The following UBE3A variants were observed in gnomAD, a reference collection of about 807,000 sequenced individuals.
UBE3A encodes the protein ubiquitin-protein ligase E3A.
Under a neutral mutation model 83.4 loss-of-function variants are expected in UBE3A, and 6 were observed. The observed-to-expected ratio is 0.07, with a 90% CI of 0.04 to 0.14. The LOEUF is 0.14. Ranked by LOEUF, UBE3A falls within the 10% of genes least tolerant of loss-of-function variation. UBE3A has a pLI of 1.00. For synonymous variants in UBE3A, 337 were observed against 355.4 expected, an observed-to-expected ratio of 0.95 and a Z score of 0.58; for missense variants, 456 against 1,036.1, an observed-to-expected ratio of 0.44 and a Z score of 7.69.
Position 25,339,119 on chromosome 15 carries a change from A to ATTTTTTTTTTTTTTTTTTTTTTT in UBE3A, c.*17_*18insAAAAAAAAAAAAAAAAAAAAAAA. The ATTTTTTTTTTTTTTTTTTTTTTT allele has an allele frequency of 7.0e-7, 1 of 1,429,774 alleles. No homozygotes were observed. 88.6% of individuals were successfully genotyped at this position (1,429,774 alleles called of 1,614,324 possible). A position where few individuals can be genotyped will look rare whatever the true frequency, so the allele number is the denominator to read the frequency against. The stretch of plus-strand genomic sequence containing the variant: ...TTTTTTCCTTCCTTTTTTTTGTTTT[A>ATTTTTTTTTTTTTTTTTTTTTTT]TTTTGTTTTGTTTTGTTTTACAGCA... On this transcript the variant is annotated 3_prime_UTR_variant, in exon 13 of 13. Coordinates refer to ENST00000648336, the MANE Select transcript of UBE3A (RefSeq NM_130839.5).
intron 4 of UBE3A, among the ~76,000 whole-genome samples, chr15:25,401,654 C>T (rs1453974695): frequency 6.6e-6 from 1 of 152,126 alleles, no homozygotes; most frequent in Non-Finnish European, 1.5e-5. Flanking sequence ...GTTCCTCTTT[C>T]ATTTCTGATT....
chr15:25,367,563 T>C (rs1438960234), intron 6 of UBE3A, among the ~76,000 whole-genome samples: 2 of 152,064 alleles, frequency 1.3e-5, no homozygotes, highest in East Asian at 1.9e-4. Flanking sequence ...AGACAACTTA[T>C]ATTCTATTGA....
At chr15:25,400,284 T>C (rs1216752066) in intron 4 of UBE3A, among the ~76,000 whole-genome samples, 1 of 152,220 alleles carries the variant, frequency 6.6e-6, no homozygotes, top group African/African-American at 2.4e-5. Context: ...CAGGATCTCC[T>C]GTAGATACCA....
intron 4 of UBE3A, among the ~76,000 whole-genome samples, chr15:25,398,771 T>TTATATATACA (rs2086224223): frequency 1.5e-5 from 1 of 68,964 alleles, no homozygotes; most frequent in Admixed American, 1.8e-4. Flanking sequence ...ATTCTTTTAT[T>TTATATATACA]TATATATATA....
rs757072130 is a variant in UBE3A at position 25,371,600 on chromosome 15, T to C, written c.574A>G (p.Lys192Glu). 1.9e-6 allele frequency: 3 copies of C among 1,614,140 alleles called. No individual in the cohort carries two copies. The highest frequency in any genetic ancestry group is 2.2e-5 in the East Asian group (1 of 44,860). Residue 192 changes from lysine (K) to glutamate (E), a missense_variant, in exon 6 of 13, where the codon AAA becomes GAA. By Grantham distance (56) the Lys-to-Glu change is moderately conservative. This residue lies in a region of UBE3A where 42 missense variants were observed against 41.8 expected (regional missense o/e 1.00). Coordinates refer to ENST00000648336, the MANE Select transcript of UBE3A (RefSeq NM_130839.5). This position sits in a 1 kb window ranked among gnomAD's most constrained non-coding sequence, Gnocchi z 5.3. The part of the protein sequence containing the change: ...DEDKDEDEKE[K>E]AACSAAAMEE... Reference sequence around the variant, plus strand: ...ATAGCAGCAGCAGAACATGCAGCTTTTTCCTTTTCATCTTCATCTTTGTCT... The same window carrying C: ...ATAGCAGCAGCAGAACATGCAGCTTCTTCCTTTTCATCTTCATCTTTGTCT...
intron 1 of UBE3A, chr15:25,438,245 C>G (rs913267134): frequency 2.6e-5 from 4 of 152,406 alleles, no homozygotes; most frequent in African/African-American, 9.6e-5. Flanking sequence ...CGCTCGCGTC[C>G]CCTCGGGCGA....
intron 4 of UBE3A, among the ~76,000 whole-genome samples, chr15:25,394,202 A>G (rs2085031319): frequency 6.6e-6 from 1 of 152,238 alleles, no homozygotes. Flanking sequence ...ATATGACCTA[A>G]TAACTTATTT....
intron 4 of UBE3A, among the ~76,000 whole-genome samples, chr15:25,396,826 G>A (rs1169312603): frequency 6.6e-6 from 1 of 151,676 alleles, no homozygotes; most frequent in Non-Finnish European, 1.5e-5. Context: ...CTAGGAAATT[G>A]GCAACACTAA....
intron 1 of UBE3A, among the ~76,000 whole-genome samples, chr15:25,427,341 G>C (rs1261045791): frequency 6.6e-6 from 1 of 151,830 alleles, no homozygotes; most frequent in Non-Finnish European, 1.5e-5. Flanking sequence ...TAATATTTAG[G>C]TTGAGCCCTA....
At position 25,352,125 on chromosome 15, in the gene UBE3A, G is replaced by A. The variant is rs557826291; in HGVS notation, c.2354+2228C>T. 1.4e-4 allele frequency among the ~76,000 whole-genome samples: 22 copies of A among 152,310 alleles called. No individual in the cohort carries two copies. In the South Asian group the frequency reaches 4.4e-3, roughly 30 times the overall value. On this transcript the variant is annotated intron_variant, in intron 11 of 12. Transcript: ENST00000648336. ...CAGGAGAATCACTTGAACCCAGGAAGCGGAGGTTGCAGTGAACTGAGACTG... is the reference window on the plus strand; with the variant it reads ...CAGGAGAATCACTTGAACCCAGGAAACGGAGGTTGCAGTGAACTGAGACTG...
At chr15:25,367,045 T>G (rs1157028608) in intron 6 of UBE3A, among the ~76,000 whole-genome samples, 1 of 151,778 alleles carries the variant, frequency 6.6e-6, no homozygotes, top group African/African-American at 2.4e-5. Context: ...CATAAACTTA[T>G]AACCTCTATC....
At chr15:25,418,809 C>T (rs185344027) in intron 1 of UBE3A, 136 of 152,190 alleles carry the variant, frequency 8.9e-4, no homozygotes, top group African/African-American at 3.2e-3. Flanking sequence ...TATGGCCCTT[C>T]TCCTTGAATC....
At chr15:25,382,258 T>C (rs2082301208) in intron 4 of UBE3A, among the ~76,000 whole-genome samples, 1 of 152,110 alleles carries the variant, frequency 6.6e-6, no homozygotes, top group African/African-American at 2.4e-5. Context: ...GAGGCGGAGC[T>C]TGCAGTGAGC....
chr15:25,375,220 A>C (rs918184834), intron 5 of UBE3A: 3 of 484,816 alleles, frequency 6.2e-6, no homozygotes, highest in Non-Finnish European at 1.1e-5. Flanking sequence ...TTTCCTAAGA[A>C]TTTTAAAAAG....
At chr15:25,363,978 G>A (rs910476585) in intron 6 of UBE3A, among the ~76,000 whole-genome samples, 3 of 151,672 alleles carry the variant, frequency 2.0e-5, no homozygotes, top group African/African-American at 7.3e-5. Flanking sequence ...GATTGCCTGA[G>A]CCCAGCAGTT....
intron 7 of UBE3A, among the ~76,000 whole-genome samples, chr15:25,358,142 C>G (rs1156258976): frequency 6.6e-6 from 1 of 151,912 alleles, no homozygotes; most frequent in African/African-American, 2.4e-5. Context: ...GAGGCTGAGG[C>G]AGGCAGATCA....
At chr15:25,397,362 C>T (rs754047392) in intron 4 of UBE3A, among the ~76,000 whole-genome samples, 3 of 152,146 alleles carry the variant, frequency 2.0e-5, no homozygotes, top group Non-Finnish European at 4.4e-5. Context: ...AATCATGCCT[C>T]ACACATTCAT....
rs1204767363 is a variant in UBE3A, at chr15:25,335,668, G to A, written c.*3469C>T. The stretch of plus-strand genomic sequence containing the variant: ...CAAAGAATGGTCGGTCGATAGAGAT[G>A]CAAGATGAAGAATTTTGTTTTTAGG... On this transcript the variant is annotated 3_prime_UTR_variant, in exon 13 of 13. Transcript: ENST00000648336. The A allele has an allele frequency of 6.6e-6, 1 of 152,198 alleles. No individual in the cohort carries two copies. The highest frequency in any genetic ancestry group is 1.5e-5 in the Non-Finnish European group (1 of 68,042). The allele number at this position is 152,198 out of a possible 1,614,324, so 9.4% of individuals were successfully genotyped here.
In UBE3A at chr15:25,339,090, CTTTTTTT is replaced by C. The variant is rs368425414; in HGVS notation, c.*40_*46del. The C allele has an allele frequency of 1.4e-6, 2 of 1,461,892 alleles. No individual in the cohort carries two copies. The highest frequency in any genetic ancestry group is 2.8e-5 in the South Asian group (2 of 71,564). The allele number at this position is 1,461,892 out of a possible 1,614,324, so 90.6% of individuals were successfully genotyped here. On this transcript the variant is annotated 3_prime_UTR_variant, in exon 13 of 13. Transcript: ENST00000648336. ...ATTTTTAAAATTTTTTAAATTTTTT[CTTTTTTT>C]TTCCTTCCTTTTTTTTGTTTTATTT...
Sources: allele counts gnomAD v4.1 joint callset (sites outside exome capture counted in the v4.1 genomes callset), GRCh38; gene constraint gnomAD v4.1.1; regional missense constraint gnomAD v4.1.1; non-coding constraint Gnocchi (gnomAD v3.1); transcripts MANE v1.5; gene names NCBI Gene and HGNC (gene_info 2026-07-23, HGNC 2026-07-21).